The following ARFGEF1 variants were observed in gnomAD, a reference collection of about 807,000 sequenced individuals.
The protein encoded by ARFGEF1 is brefeldin A-inhibited guanine nucleotide-exchange protein 1.
A neutral mutation model predicts 231.0 loss-of-function variants in ARFGEF1; 42 were observed. The ratio of observed to expected loss-of-function variants is 0.18; its 90% CI spans 0.14 to 0.24. The LOEUF (loss-of-function observed/expected upper bound fraction) is 0.24, where lower values mean the gene tolerates loss of function less well. Ranked by LOEUF, ARFGEF1 falls within the 10% of genes least tolerant of loss-of-function variation. ARFGEF1 has a pLI of 1.00. For synonymous variants in ARFGEF1, 710 were observed against 732.3 expected (o/e 0.97, Z 0.49); for missense variants, 1,345 against 2,192.0 (o/e 0.61, Z 7.72).
At chr8:67,313,875 G>A (rs1188755635) in intron 1 of ARFGEF1, among the ~76,000 whole-genome samples, 1 of 152,128 alleles carries the variant, frequency 6.6e-6, no homozygotes, top group Non-Finnish European at 1.5e-5. Context: ...GGGTAGGGAA[G>A]GACCATCAGG....
intron 7 of ARFGEF1, among the ~76,000 whole-genome samples, chr8:67,283,061 T>A (rs1372418291): frequency 1.3e-5 from 2 of 152,148 alleles, no homozygotes; most frequent in South Asian, 2.1e-4. Context: ...TCCAATGATA[T>A]TTAGTTGGAA....
intron 5 of ARFGEF1, among the ~76,000 whole-genome samples, chr8:67,294,258 T>C (rs563613310): frequency 2.7e-4 from 41 of 152,220 alleles, no homozygotes; most frequent in African/African-American, 9.4e-4. Flanking sequence ...GGGAGGGCCC[T>C]GGAACCAATC....
chr8:67,202,643 A>T (rs1838373090), intron 36 of ARFGEF1, among the ~76,000 whole-genome samples: 1 of 152,208 alleles, frequency 6.6e-6, no homozygotes, highest in African/African-American at 2.4e-5. Flanking sequence ...AACTTGTTCT[A>T]GAACAAATAT....
chr8:67,194,555 T>C (rs779580750), downstream of ARFGEF1, among the ~76,000 whole-genome samples: 48 of 152,160 alleles, frequency 3.2e-4, no homozygotes, highest in African/African-American at 3.6e-4. Flanking sequence ...TGAGGGAAGA[T>C]AGCATTTTAA....
intron 14 of ARFGEF1, 130 bp downstream of exon 14, chr8:67,265,876 C>T (rs1804830821): frequency 1.2e-6 from 1 of 800,068 alleles, no homozygotes; most frequent in Non-Finnish European, 2.0e-6. Context: ...TGAATAGGAG[C>T]CTCGTGAATT....
intron 9 of ARFGEF1, among the ~76,000 whole-genome samples, chr8:67,274,981 T>C (rs900429032): frequency 2.6e-5 from 4 of 152,110 alleles, no homozygotes; most frequent in African/African-American, 9.6e-5. Flanking sequence ...TAAAGGATGT[T>C]TCTCCCTGAA....
chr8:67,193,693 G>A (rs1837063558), downstream of ARFGEF1: 1 of 1,162,918 alleles, frequency 8.6e-7, no homozygotes, highest in African/African-American at 1.5e-5. Context: ...CTGAGGGATA[G>A]ATGGAATGAG....
intron 13 of ARFGEF1, among the ~76,000 whole-genome samples, chr8:67,266,428 G>A (rs1587168430): frequency 6.6e-6 from 1 of 152,050 alleles, no homozygotes; most frequent in South Asian, 2.1e-4. Context: ...AGTTCTTTTT[G>A]CAGTTGCAGT....
At chr8:67,263,900 A>G (rs925287754) in intron 14 of ARFGEF1, among the ~76,000 whole-genome samples, 3 of 152,192 alleles carry the variant, frequency 2.0e-5, no homozygotes, top group African/African-American at 7.2e-5. Context: ...AACTATTTTG[A>G]AGAACAATTA....
intron 1 of ARFGEF1, among the ~76,000 whole-genome samples, chr8:67,306,903 G>A (rs1806772657): frequency 6.6e-6 from 1 of 152,120 alleles, no homozygotes; most frequent in Non-Finnish European, 1.5e-5. Flanking sequence ...TCAGCCTCCT[G>A]AGTAGCTGGG....
intron 22 of ARFGEF1, among the ~76,000 whole-genome samples, chr8:67,233,266 T>C (rs1465675265): frequency 6.6e-6 from 1 of 151,996 alleles, no homozygotes; most frequent in African/African-American, 2.4e-5. Flanking sequence ...GCAGCACTAA[T>C]CTCAGTTCCA....
Position 67,312,708 on chromosome 8 carries a change from A to T in ARFGEF1, c.125-10242T>A, listed in dbSNP as rs554892227. ...AATTGTTACACATTTAACACAAAAAATAAAACACTGTCTTATGTGGTTGCT... is the reference window on the plus strand; with the variant it reads ...AATTGTTACACATTTAACACAAAAATTAAAACACTGTCTTATGTGGTTGCT... On this transcript the variant is annotated intron_variant, in intron 1 of 38. Transcript: ENST00000262215. 5.9e-5 allele frequency among the ~76,000 whole-genome samples: 9 copies of T among 152,376 alleles called. No homozygotes were observed. In the South Asian group the frequency reaches 6.2e-4, roughly 11 times the overall value.
rs1184598477 is a variant in ARFGEF1, at chr8:67,198,501, G to C, written c.*433C>G. ...ATAGTTGCTAAATATCTTTTACCAT[G>C]AACAATAATTTCTTCTTCTCTCCCC... is the stretch of plus-strand genomic sequence containing the variant. On this transcript the variant is annotated 3_prime_UTR_variant, in exon 39 of 39. Transcript: ENST00000262215. 5 of 989,676 alleles carry C rather than the reference G, an allele frequency of 5.1e-6. No homozygotes were observed. The African/African-American group carries it at 8.7e-5, about 17-fold the overall frequency. 61.3% of individuals were successfully genotyped at this position (989,676 alleles called of 1,614,324 possible).
intron 19 of ARFGEF1, among the ~76,000 whole-genome samples, chr8:67,242,046 C>T (rs1839947500): frequency 6.6e-6 from 1 of 152,200 alleles, no homozygotes; most frequent in Non-Finnish European, 1.5e-5. Context: ...ACAGGCATCA[C>T]CCATCCTAGC....
At position 67,319,488 on chromosome 8, in the gene ARFGEF1, T is replaced by TA. The variant is rs553629649; in HGVS notation, c.125-17023dup. On this transcript the variant is annotated intron_variant, in intron 1 of 38. Coordinates refer to ENST00000262215, the MANE Select transcript of ARFGEF1 (RefSeq NM_006421.5). ...TCTTTTCAACAAATAGTGTTGGAAT[T>TA]AGACACCCATTTGCAAAAAAAAAAA... Among the ~76,000 whole-genome samples, 169 of 144,652 alleles carry TA rather than the reference T, an allele frequency of 1.2e-3. 1 individual carries two copies. The highest frequency in any genetic ancestry group is 1.9e-3 in the Non-Finnish European group (127 of 66,312). 94.9% of individuals were successfully genotyped at this position (144,652 alleles called of 152,430 possible).
chr8:67,250,878 C>T lies in ARFGEF1; in HGVS notation c.2850+421G>A, dbSNP rs374765964. Among the ~76,000 whole-genome samples, 204 of 152,328 alleles carry T rather than the reference C, an allele frequency of 1.3e-3. 1 individual carries two copies. The highest frequency in any genetic ancestry group is 4.7e-3 in the African/African-American group (197 of 41,556). On this transcript the variant is annotated intron_variant, in intron 19 of 38. Coordinates refer to ENST00000262215, the MANE Select transcript of ARFGEF1 (RefSeq NM_006421.5). Reference sequence around the variant, plus strand: ...AAATAATATTGTCTTCTGTTCCTTACCCTACTTTCTGGGCCCCAGGCATAT... The same window carrying T: ...AAATAATATTGTCTTCTGTTCCTTATCCTACTTTCTGGGCCCCAGGCATAT...
At chr8:67,177,423 T>C (rs1469497302) in intron 5 of ARFGEF1, among the ~76,000 whole-genome samples, 2 of 152,178 alleles carry the variant, frequency 1.3e-5, no homozygotes, top group African/African-American at 4.8e-5. Flanking sequence ...TCATTTTCTT[T>C]TTCTGTTGGC....
chr8:67,173,733 A>G (rs183698191), downstream of ARFGEF1: 194 of 152,372 alleles, frequency 1.3e-3, 2 homozygotes, highest in African/African-American at 4.3e-3. Flanking sequence ...CGTATTATCA[A>G]TTACGTATAC....
chr8:67,205,871 AATAAAT>A (rs1445998945), intron 34 of ARFGEF1, among the ~76,000 whole-genome samples: 19 of 150,398 alleles, frequency 1.3e-4, no homozygotes, highest in African/African-American at 3.7e-4. Flanking sequence ...AAAATAAATA[AATAAAT>A]AAATAAATAA....
Sources: allele counts gnomAD v4.1 joint callset (sites outside exome capture counted in the v4.1 genomes callset), GRCh38; gene constraint gnomAD v4.1.1; transcripts MANE v1.5; gene names NCBI Gene and HGNC (gene_info 2026-07-23, HGNC 2026-07-21).